The following POMT1 variants were observed in gnomAD, a reference collection of about 807,000 sequenced individuals.
POMT1 encodes the protein protein O-mannosyltransferase 1.
POMT1 carries 85 observed loss-of-function variants against 101.6 expected under a neutral mutation model. The observed-to-expected ratio is 0.84, with a 90% CI of 0.70 to 1.00. POMT1 has a LOEUF of 1.00. POMT1 is among the 50% of genes least tolerant of loss of function. The pLI is 0.00. For missense variants in POMT1, 857 were observed against 930.4 expected, an observed-to-expected ratio of 0.92 and a Z score of 1.03; for synonymous variants, 371 against 383.0, an observed-to-expected ratio of 0.97 and a Z score of 0.37.
Position 131,522,317 on chromosome 9 carries a change from A to G in POMT1, c.2003+93A>G. The G allele has an allele frequency of 6.3e-7, 1 of 1,577,058 alleles. No homozygotes were observed. The highest frequency in any genetic ancestry group is 2.3e-5 in the East Asian group (1 of 43,320). Reference sequence around the variant, plus strand: ...AAACACATGGGGTGCAGCGAACCTCACCCATTTCACGTTACACTGACATCC... The same window carrying G: ...AAACACATGGGGTGCAGCGAACCTCGCCCATTTCACGTTACACTGACATCC... On this transcript the variant is annotated intron_variant, in intron 19 of 19. Coordinates refer to ENST00000402686, the MANE Select transcript of POMT1 (RefSeq NM_001077365.2). This position sits in a 1 kb window ranked among gnomAD's most constrained non-coding sequence, Gnocchi z 5.5.
At chr9:131,513,922 C>T (rs559907506) in intron 12 of POMT1, among the ~76,000 whole-genome samples, 53 of 152,344 alleles carry the variant, frequency 3.5e-4, no homozygotes, top group African/African-American at 1.1e-3. Context: ...GGCCCAGTCC[C>T]GGGGCTACCT....
intron 2 of POMT1, among the ~76,000 whole-genome samples, chr9:131,505,353 A>G (rs904257618): frequency 1.3e-4 from 19 of 147,006 alleles, no homozygotes; most frequent in African/African-American, 4.3e-4. Context: ...CTGTAGTGCA[A>G]TGGTGCGATC....
chr9:131,517,131 C>T lies in POMT1; in HGVS notation c.1273-1314C>T, dbSNP rs527993262. Among the ~76,000 whole-genome samples, 19 of 152,360 alleles carry T rather than the reference C, an allele frequency of 1.2e-4. No homozygotes were observed. The East Asian group carries it at 3.7e-3, about 29-fold the overall frequency. ...CCCCCTTCTAGCTTCCCACTGGCTT[C>T]AGCGCTTTCTGCCTACGCAGGCTCA... is the stretch of plus-strand genomic sequence containing the variant. On this transcript the variant is annotated intron_variant, in intron 13 of 19. Transcript: ENST00000402686.
chr9:131,518,425 C>G lies in POMT1; in HGVS notation c.1273-20C>G. On this transcript the variant is annotated intron_variant, in intron 13 of 19. Coordinates refer to ENST00000402686, the MANE Select transcript of POMT1 (RefSeq NM_001077365.2). ...AAATTTGAAAAGGAATGAAATAATC[C>G]TTGAGATGTCTTTTTGCAGGAAATT... is the stretch of plus-strand genomic sequence containing the variant. The G allele has an allele frequency of 6.3e-7, 1 of 1,590,390 alleles. No individual in the cohort carries two copies. Among genetic ancestry groups the G allele is most frequent in the Non-Finnish European group, 8.6e-7 (1 of 1,158,584 alleles).
intron 18 of POMT1, among the ~76,000 whole-genome samples, chr9:131,521,756 A>G (rs145012377): frequency 1.8e-4 from 28 of 152,278 alleles, no homozygotes; most frequent in African/African-American, 6.5e-4. Context: ...GTTGCGTTAG[A>G]GGTGTCTCCA....
chr9:131,512,529 C>T (rs940696123), intron 11 of POMT1, among the ~76,000 whole-genome samples: 8 of 152,190 alleles, frequency 5.3e-5, no homozygotes, highest in Non-Finnish European at 7.3e-5. Context: ...CTAGCTGTCC[C>T]GGTCACTGTC....
At chr9:131,505,302 T>TTC (rs2131576543) in intron 2 of POMT1, among the ~76,000 whole-genome samples, 1 of 151,140 alleles carries the variant, frequency 6.6e-6, no homozygotes, top group East Asian at 2.0e-4. Context: ...TGAGGATTTT[T>TTC]TTTTTTTTTT....
Position 131,521,392 on chromosome 9 carries a change from G to C in POMT1, c.1745G>C (p.Ser582Thr), listed in dbSNP as rs1196223735. The change falls in exon 18 of 20, where the codon AGC becomes ACC. Residue 582 changes from serine to threonine, a missense_variant. Coordinates refer to ENST00000402686, the MANE Select transcript of POMT1 (RefSeq NM_001077365.2). The part of the protein sequence containing the change: ...LGNIVIWVSG[S>T]LALAIYALLS... ...AACATAGTGATCTGGGTTTCGGGCAGCCTCGCTCTGGCCATCTACGCCCTG... is the reference window on the plus strand; with the variant it reads ...AACATAGTGATCTGGGTTTCGGGCACCCTCGCTCTGGCCATCTACGCCCTG... The C allele has an allele frequency of 4.3e-6, 7 of 1,614,152 alleles. No individual in the cohort carries two copies. Among genetic ancestry groups the C allele is most frequent in the Non-Finnish European group, 5.9e-6 (7 of 1,180,024 alleles).
At chr9:131,513,118 A>C in intron 11 of POMT1, 121 bp from the exon 12 acceptor site, 1 of 784,820 alleles carries the variant, frequency 1.3e-6, no homozygotes, top group Non-Finnish European at 2.2e-6. Flanking sequence ...ACCTCATGTG[A>C]GGCACACATG....
At chr9:131,518,714 G>GA (rs1949265072) in intron 14 of POMT1, 123 bp from the exon 15 acceptor site, 1 of 1,529,336 alleles carries the variant, frequency 6.5e-7, no homozygotes, top group Admixed American at 1.7e-5. Flanking sequence ...ATCCCAATGT[G>GA]AATCTCCCAC....
intron 4 of POMT1, chr9:131,506,766 T>A: frequency 2.5e-6 from 1 of 402,724 alleles, no homozygotes; most frequent in Non-Finnish European, 4.6e-6. Flanking sequence ...TGCCACAATG[T>A]TTTTGAAAAT....
intron 1 of POMT1, 116 bp from the exon 2 acceptor site, chr9:131,504,069 TTCTC>T (rs1453252622): frequency 3.8e-5 from 47 of 1,247,234 alleles, no homozygotes; most frequent in Non-Finnish European, 5.2e-5. Flanking sequence ...ACTTCGGTCT[TTCTC>T]AGCAGCCCGG....
In POMT1 at chr9:131,504,144, C is replaced by G. The variant is rs998643458; in HGVS notation, c.-30-45C>G. The G allele has an allele frequency of 9.9e-6, 16 of 1,610,962 alleles. No homozygotes were observed. In the Admixed American group the frequency reaches 2.3e-4, roughly 23 times the overall value. ...GGTGGCTGGGGATCCCTTCTGTAGC[C>G]TCTCGTGAGCCCTCATGGACCACGG... On this transcript the variant is annotated intron_variant, in intron 1 of 19. Transcript: ENST00000402686.
chr9:131,504,755 ATGTGTGTGTGTGTGTG>A (rs1049729805), intron 2 of POMT1, among the ~76,000 whole-genome samples: 1 of 148,802 alleles, frequency 6.7e-6, no homozygotes. Flanking sequence ...TAATGTGTGT[ATGTGTGTGTGTGTGTG>A]TGTGTGTGTG....
intron 12 of POMT1, among the ~76,000 whole-genome samples, chr9:131,513,822 T>C (rs769642328): frequency 6.6e-6 from 1 of 152,220 alleles, no homozygotes; most frequent in Non-Finnish European, 1.5e-5. Flanking sequence ...CACACCCTCC[T>C]CCTTCCTCCC....
Position 131,513,331 on chromosome 9 carries a change from C to T in POMT1, c.1175C>T (p.Thr392Met), listed in dbSNP as rs397515400. Residue 392 changes from threonine to methionine, a missense_variant and splice_region_variant, in exon 12 of 20, where the codon ACG becomes ATG. By Grantham distance (81) the Thr-to-Met change is moderately conservative. Coordinates refer to ENST00000402686, the MANE Select transcript of POMT1 (RefSeq NM_001077365.2). ...GGCATGACCACCCGCTCCCTGAACA[C>T]GTGAGTGTGCCCGCCGTCTGCTCTG... is the stretch of plus-strand genomic sequence containing the variant. ...VHGMTTRSLN[T>M]HDVAAPLSPH... is the part of the protein sequence containing the mutation. 6 of 1,610,922 alleles carry T rather than the reference C, an allele frequency of 3.7e-6. No individual in the cohort carries two copies. Among genetic ancestry groups the T allele is most frequent in the Admixed American group, 1.7e-5 (1 of 59,946 alleles).
intron 9 of POMT1, 143 bp downstream of exon 9, chr9:131,510,558 G>A: frequency 1.7e-6 from 2 of 1,162,074 alleles, no homozygotes; most frequent in South Asian, 1.3e-5. Context: ...TTTGGTGGGG[G>A]GGATGGAGTC....
chr9:131,504,239 C>A lies in POMT1; in HGVS notation c.21C>A (p.Arg7=), dbSNP rs1200962212. The A allele has an allele frequency of 3.1e-6, 5 of 1,614,140 alleles. No individual in the cohort carries two copies. The highest frequency in any genetic ancestry group is 4.2e-6 in the Non-Finnish European group (5 of 1,180,022). The change falls in exon 2 of 20, where the codon CGC becomes CGA. Residue 7 remains arginine, a synonymous_variant. Transcript: ENST00000402686. Reference sequence around the variant, plus strand: ...ACAAGATGTGGGGATTTTTGAAGCGCCCTGTAGTGGTGACGGCTGACATCA... The same window carrying A: ...ACAAGATGTGGGGATTTTTGAAGCGACCTGTAGTGGTGACGGCTGACATCA... MWGFLK[R]PVVVTADINL...
chr9:131,507,187 A>G (rs1946045883), intron 4 of POMT1, among the ~76,000 whole-genome samples, 181 bp from the exon 5 acceptor site: 1 of 152,158 alleles, frequency 6.6e-6, no homozygotes, highest in African/African-American at 2.4e-5. Flanking sequence ...TGACTATGCA[A>G]AGCTAATTTC....
Sources: gnomAD v4.1 joint callset for allele counts (sites outside exome capture counted in the v4.1 genomes callset) on GRCh38, gnomAD v4.1.1 for gene constraint, Gnocchi (gnomAD v3.1) non-coding constraint, MANE v1.5 for transcripts, NCBI Gene and HGNC (gene_info 2026-07-23, HGNC 2026-07-21) for gene names.